The following ETNK2 variants were observed in gnomAD, a reference collection of about 807,000 sequenced individuals.
ETNK2 encodes ethanolamine kinase-like protein.
ETNK2 carries 33 observed loss-of-function variants against 46.2 expected under a neutral mutation model. The observed-to-expected ratio is 0.71, with a 90% confidence interval of 0.54 to 0.96. The LOEUF is 0.96. Ranked by LOEUF, ETNK2 falls within the 40% of genes least tolerant of loss-of-function variation. ETNK2 has a pLI of 0.00. For missense variants in ETNK2, 445 were observed against 509.7 expected, an observed-to-expected ratio of 0.87 and a Z score of 1.22; for synonymous variants, 194 against 209.0, an observed-to-expected ratio of 0.93 and a Z score of 0.62.
At chr1:204,139,966 T>C (rs1657435912) in intron 5 of ETNK2, 69 bp downstream of exon 5, 1 of 1,258,372 alleles carries the variant, frequency 7.9e-7, no homozygotes, top group African/African-American at 1.5e-5. Context: ...AGGACCACCA[T>C]CTACATGCGG....
chr1:204,132,941 C>T (rs914473754), intron 7 of ETNK2, among the ~76,000 whole-genome samples: 4 of 152,126 alleles, frequency 2.6e-5, no homozygotes, highest in Non-Finnish European at 5.9e-5. Flanking sequence ...TGCTCCCTCT[C>T]CCCACCCCCT....
intron 5 of ETNK2, among the ~76,000 whole-genome samples, chr1:204,137,467 A>T (rs1198129718): frequency 2.0e-5 from 3 of 152,158 alleles, no homozygotes; most frequent in African/African-American, 7.2e-5. Flanking sequence ...TTTCTGTGGG[A>T]TTGAGGAAAG....
At chr1:204,143,006 C>G (rs1348838607) in intron 3 of ETNK2, 2 of 152,008 alleles carry the variant, frequency 1.3e-5, no homozygotes, top group Non-Finnish European at 2.9e-5. Context: ...GGATCCAAAT[C>G]GAACGGAGTC....
At chr1:204,138,724 A>T (rs1558232223) in intron 5 of ETNK2, 1 of 152,206 alleles carries the variant, frequency 6.6e-6, no homozygotes, top group Non-Finnish European at 1.5e-5. Context: ...TGGCCCCATC[A>T]TGTGAACACT....
At chr1:204,147,080 C>T (rs1657817619) in intron 2 of ETNK2, 2 of 488,178 alleles carry the variant, frequency 4.1e-6, no homozygotes, top group Non-Finnish European at 8.0e-6. Flanking sequence ...CCCAGTGTAC[C>T]CATAGCAACT....
chr1:204,147,646 G>C, intron 2 of ETNK2: 1 of 485,668 alleles, frequency 2.1e-6, no homozygotes, highest in Non-Finnish European at 4.3e-6. Context: ...CAATCACTGG[G>C]AAAGACAACA....
intron 7 of ETNK2, among the ~76,000 whole-genome samples, 197 bp downstream of exon 7, chr1:204,134,318 C>A (rs1657196901): frequency 6.6e-6 from 1 of 152,180 alleles, no homozygotes; most frequent in African/African-American, 2.4e-5. Flanking sequence ...GGATATGACA[C>A]TTCTCTTTTC....
At position 204,141,065 on chromosome 1, in the gene ETNK2, A is replaced by G. The variant is rs1657505785; in HGVS notation, c.784+250T>C. On this transcript the variant is annotated intron_variant, in intron 4 of 7. Transcript: ENST00000367202. ...GGTCTTGAATTCCTGGGCTTAAGCAATCCACATGCCTTGGCCTCCCAAACT... is the reference window on the plus strand; with the variant it reads ...GGTCTTGAATTCCTGGGCTTAAGCAGTCCACATGCCTTGGCCTCCCAAACT... 4 of 568,476 alleles carry G rather than the reference A, an allele frequency of 7.0e-6. No homozygotes were observed. The South Asian group carries it at 7.3e-5, about 10-fold the overall frequency. 35.2% of individuals were successfully genotyped at this position (568,476 alleles called of 1,614,324 possible). A position where few individuals can be genotyped will look rare whatever the true frequency, so the allele number is the denominator to read the frequency against.
chr1:204,151,891 T>C lies in ETNK2; in HGVS notation c.-39A>G, dbSNP rs1454555106. On this transcript the variant is annotated 5_prime_UTR_variant, in exon 1 of 8. An upstream open reading frame in the 5' UTR loses its in-frame stop. Coordinates refer to ENST00000367202, the MANE Select transcript of ETNK2 (RefSeq NM_018208.4). This position sits in a 1 kb window ranked among gnomAD's most constrained non-coding sequence, Gnocchi z 8.0. The stretch of plus-strand genomic sequence containing the variant: ...ACCCCCTCGGAGCCGCGGCAGACGC[T>C]AGCCCCGGCGGGGGGGTCCGGCGAG... 1.4e-6 allele frequency: 2 copies of C among 1,408,894 alleles called. No homozygotes were observed. Among genetic ancestry groups the C allele is most frequent in the Non-Finnish European group, 1.8e-6 (2 of 1,087,956 alleles). The allele number at this position is 1,408,894 out of a possible 1,614,324, so 87.3% of individuals were successfully genotyped here.
Position 204,132,112 on chromosome 1 carries a change from C to A in ETNK2, c.*72G>T. ...CCACCCTGTCCAAGGGTGTGGATCC[C>A]AGAGTGCAGAATTGAGCTCTGGAGA... On this transcript the variant is annotated 3_prime_UTR_variant, in exon 8 of 8. Transcript: ENST00000367202. 1 of 1,238,752 alleles carries A rather than the reference C, an allele frequency of 8.1e-7. No homozygotes were observed. 76.7% of individuals were successfully genotyped at this position (1,238,752 alleles called of 1,614,324 possible).
In ETNK2 at chr1:204,140,081, G is replaced by T; in HGVS notation, c.822C>A (p.Tyr274Ter). The change falls in exon 5 of 8, where the codon TAC (tyrosine) becomes TAA (stop). Residue 274 changes from tyrosine to a stop codon, truncating the protein, a stop_gained. Coordinates refer to ENST00000367202, the MANE Select transcript of ETNK2 (RefSeq NM_018208.4). LOFTEE classifies it high-confidence loss of function. ...TGCCAATGTCAAAAGCTTGGTAGTT[G>T]TAGCCAGCATATTCATAGTCAATGA... ...VRFIDYEYAG[Y>*]NYQAFDIGNH... 6.2e-7 allele frequency: 1 copy of T among 1,613,958 alleles called. No homozygotes were observed. The highest frequency in any genetic ancestry group is 1.1e-5 in the South Asian group (1 of 91,082).
chr1:204,148,079 T>G (rs1657861646), intron 2 of ETNK2, among the ~76,000 whole-genome samples: 1 of 152,108 alleles, frequency 6.6e-6, no homozygotes, highest in Non-Finnish European at 1.5e-5. Context: ...CTGCAAAGCC[T>G]CAGCAGGCTG....
At position 204,151,907 on chromosome 1, in the gene ETNK2, G is replaced by A. The variant is rs1658024771; in HGVS notation, c.-55C>T. 1 of 1,403,782 alleles carries A rather than the reference G, an allele frequency of 7.1e-7. No individual in the cohort carries two copies. The highest frequency in any genetic ancestry group is 9.2e-7 in the Non-Finnish European group (1 of 1,085,966). The allele number at this position is 1,403,782 out of a possible 1,614,324, so 87.0% of individuals were successfully genotyped here. On this transcript the variant is annotated 5_prime_UTR_variant, in exon 1 of 8. Transcript: ENST00000367202. This position sits in a 1 kb window ranked among gnomAD's most constrained non-coding sequence, Gnocchi z 8.0. Reference sequence around the variant, plus strand: ...GGCAGACGCTAGCCCCGGCGGGGGGGTCCGGCGAGGGAGTGGGAGTGGTAG... The same window carrying A: ...GGCAGACGCTAGCCCCGGCGGGGGGATCCGGCGAGGGAGTGGGAGTGGTAG...
At chr1:204,145,553 A>G (rs1267502551) in intron 3 of ETNK2, among the ~76,000 whole-genome samples, 2 of 152,378 alleles carry the variant, frequency 1.3e-5, no homozygotes, top group South Asian at 2.1e-4. Flanking sequence ...AGGTCTGAAC[A>G]TGGTCAAAGA....
chr1:204,135,266 C>G (rs1435438848), intron 6 of ETNK2, among the ~76,000 whole-genome samples: 2 of 152,086 alleles, frequency 1.3e-5, no homozygotes, highest in Admixed American at 6.5e-5. Flanking sequence ...ACCTCAGGCT[C>G]AAGAAGCCAG....
At chr1:204,142,331 ATGGGTCAACCTC>A (rs1424910652) in intron 3 of ETNK2, 1 of 152,310 alleles carries the variant, frequency 6.6e-6, no homozygotes, top group African/African-American at 2.4e-5. Flanking sequence ...ACAAAGATGC[ATGGGTCAACCTC>A]TCCTGCTGCC....
At chr1:204,141,693 C>T (rs1455901264) in intron 3 of ETNK2, 5 of 535,966 alleles carry the variant, frequency 9.3e-6, no homozygotes, top group South Asian at 2.3e-5. Context: ...GGCGTCAAAG[C>T]ATGAGGCAGA....
intron 3 of ETNK2, among the ~76,000 whole-genome samples, chr1:204,143,179 T>C (rs1209329465): frequency 3.3e-5 from 5 of 151,812 alleles, no homozygotes; most frequent in Non-Finnish European, 7.4e-5. Context: ...CTGCGTAAGA[T>C]GTGTTTCAGT....
chr1:204,141,226 C>T (rs1346496930), intron 4 of ETNK2, 89 bp downstream of exon 4: 5 of 1,541,980 alleles, frequency 3.2e-6, no homozygotes, highest in Non-Finnish European at 4.5e-6. Context: ...TTTTGCTTGT[C>T]CAAGTGCCAG....
Sources: allele counts gnomAD v4.1 joint callset (sites outside exome capture counted in the v4.1 genomes callset), GRCh38; gene constraint gnomAD v4.1.1; non-coding constraint Gnocchi (gnomAD v3.1); transcripts MANE v1.5; gene names NCBI Gene and HGNC (gene_info 2026-07-23, HGNC 2026-07-21).